INTU: variants seen among roughly 807,000 people sequenced by gnomAD.
INTU encodes inturned planar cell polarity protein.
In INTU, 68 loss-of-function variants were observed where a neutral mutation model predicts 100.5. The ratio of observed to expected loss-of-function variants is 0.68; its 90% CI spans 0.56 to 0.83. INTU has a LOEUF of 0.83. Ranked by LOEUF, INTU falls within the 40% of genes least tolerant of loss-of-function variation. INTU has a pLI of 0.00. For missense variants in INTU, 1,071 were observed against 1,114.7 expected (o/e 0.96, Z 0.56); for synonymous variants, 357 against 395.7 (o/e 0.90, Z 1.16).
At chr4:127,682,325 T>C (rs1459174452) in intron 6 of INTU, among the ~76,000 whole-genome samples, 1 of 151,974 alleles carries the variant, frequency 6.6e-6, no homozygotes, top group Non-Finnish European at 1.5e-5. Flanking sequence ...TGCAGCACTA[T>C]TCACAATAGC....
intron 14 of INTU, among the ~76,000 whole-genome samples, chr4:127,712,040 C>T (rs780620865): frequency 2.0e-5 from 3 of 152,052 alleles, no homozygotes; most frequent in African/African-American, 4.8e-5. Flanking sequence ...TTACTTGTGA[C>T]GTTATACAGC....
chr4:127,704,242 T>C lies in INTU; in HGVS notation c.1518T>C (p.Tyr506=), dbSNP rs754683377. 113 of 1,609,474 alleles carry C rather than the reference T, an allele frequency of 7.0e-5. No individual in the cohort carries two copies. The highest frequency in any genetic ancestry group is 9.5e-5 in the Non-Finnish European group (112 of 1,177,736). ...TTTTCCCCCAGTCCGAGGATTACTA[T>C]GACATGAGGCGGCTGTATACAATTT... ...ADFAELSEDY[Y]DMRRLYTILG... The change falls in exon 10 of 16, where the codon TAT becomes TAC. Residue 506 remains tyrosine (Y), a synonymous_variant. Coordinates refer to ENST00000335251, the MANE Select transcript of INTU (RefSeq NM_015693.4).
intron 6 of INTU, among the ~76,000 whole-genome samples, chr4:127,677,913 G>C (rs1729307542): frequency 1.3e-5 from 2 of 152,370 alleles, no homozygotes; most frequent in African/African-American, 4.8e-5. Flanking sequence ...TAAAGGAGCT[G>C]CTGGAGTGGA....
At chr4:127,682,607 A>C in intron 6 of INTU, among the ~76,000 whole-genome samples, 1 of 62,424 alleles carries the variant, frequency 1.6e-5, no homozygotes. Flanking sequence ...GGGTGGGGGG[A>C]GGGGGGAGGG....
intron 9 of INTU, among the ~76,000 whole-genome samples, chr4:127,702,061 G>A (rs1334552682): frequency 1.3e-5 from 2 of 151,906 alleles, no homozygotes; most frequent in African/African-American, 4.8e-5. Context: ...TCTGGTTTTT[G>A]GAACTTACAT....
intron 4 of INTU, among the ~76,000 whole-genome samples, chr4:127,666,489 A>C (rs1728703677): frequency 6.6e-6 from 1 of 152,156 alleles, no homozygotes; most frequent in South Asian, 2.1e-4. Flanking sequence ...TATGGGCTTA[A>C]TACAGTGGTT....
chr4:127,671,858 G>A (rs539436805), intron 5 of INTU, among the ~76,000 whole-genome samples: 4 of 152,104 alleles, frequency 2.6e-5, no homozygotes, highest in South Asian at 2.1e-4. Context: ...TTGCAGCAAC[G>A]TAGATAGAAC....
chr4:127,671,960 A>G (rs948501958), intron 5 of INTU, among the ~76,000 whole-genome samples: 6 of 152,086 alleles, frequency 3.9e-5, no homozygotes, highest in African/African-American at 7.2e-5. Flanking sequence ...ATGTATACAC[A>G]TGGACATAGA....
chr4:127,683,740 A>G (rs903197410), intron 6 of INTU: 2 of 152,254 alleles, frequency 1.3e-5, no homozygotes, highest in African/African-American at 4.8e-5. Flanking sequence ...TAGTGGGAGA[A>G]TAACTTTGGG....
In INTU at chr4:127,719,274, T is replaced by G. The variant is rs1221896064; in HGVS notation, c.*2838T>G. The G allele has an allele frequency of 1.3e-5, 2 of 152,250 alleles. No homozygotes were observed. Among genetic ancestry groups the G allele is most frequent in the Admixed American group, 1.3e-4 (2 of 15,286 alleles). The allele number at this position is 152,250 out of a possible 1,614,324, so 9.4% of individuals were successfully genotyped here. On this transcript the variant is annotated 3_prime_UTR_variant, in exon 16 of 16. Coordinates refer to ENST00000335251, the MANE Select transcript of INTU (RefSeq NM_015693.4). ...TTTGTCTTTAGTTCTGTTTGTGTGA[T>G]GAATTAAGTTTATTGATTTGCATAT...
At chr4:127,674,033 T>A (rs1729057905) in intron 5 of INTU, 91 bp from the exon 6 acceptor site, 1 of 763,908 alleles carries the variant, frequency 1.3e-6, no homozygotes. Context: ...AGTTCTTAAA[T>A]CATACCATAT....
rs1312033969 is a variant in INTU at position 127,708,495 on chromosome 4, G to A, written c.2272-76G>A. The A allele has an allele frequency of 4.0e-6, 3 of 754,986 alleles. No individual in the cohort carries two copies. The African/African-American group carries it at 5.4e-5, about 14-fold the overall frequency. 46.8% of individuals were successfully genotyped at this position (754,986 alleles called of 1,614,324 possible). On this transcript the variant is annotated intron_variant, in intron 12 of 15. Transcript: ENST00000335251. ...TGGTAAGTAGTTCCCTCAGAAGGAT[G>A]TTTAATTTTTAAATTGTTTCTGCTA...
At chr4:127,638,863 G>T (rs1452633687) in intron 1 of INTU, among the ~76,000 whole-genome samples, 2 of 152,064 alleles carry the variant, frequency 1.3e-5, no homozygotes, top group Admixed American at 1.3e-4. Context: ...CAATAATTAT[G>T]CAGCTTGTAC....
chr4:127,720,182 T>C lies in INTU; in HGVS notation c.*3746T>C, dbSNP rs1408331783. 1 of 152,208 alleles carries C rather than the reference T, an allele frequency of 6.6e-6. No homozygotes were observed. Among genetic ancestry groups the C allele is most frequent in the Non-Finnish European group, 1.5e-5 (1 of 68,038 alleles). 9.4% of individuals were successfully genotyped at this position (152,208 alleles called of 1,614,324 possible). On this transcript the variant is annotated 3_prime_UTR_variant, in exon 16 of 16. Transcript: ENST00000335251. ...CCCAGAGATTCTGGTACATTGTCTCTTTGTTTTCATTGGTTTCAAAGAACT... is the reference window on the plus strand; with the variant it reads ...CCCAGAGATTCTGGTACATTGTCTCCTTGTTTTCATTGGTTTCAAAGAACT...
chr4:127,690,796 TC>T (rs1213944592), intron 8 of INTU, among the ~76,000 whole-genome samples: 1 of 151,970 alleles, frequency 6.6e-6, no homozygotes, highest in Non-Finnish European at 1.5e-5. Context: ...TTATCAACAT[TC>T]CCCACCACAG....
chr4:127,634,027 C>T (rs931261165), intron 1 of INTU, among the ~76,000 whole-genome samples: 3 of 152,094 alleles, frequency 2.0e-5, no homozygotes, highest in African/African-American at 7.2e-5. Flanking sequence ...TTTAGGATGA[C>T]ATTTTATGTG....
intron 7 of INTU, chr4:127,685,375 T>C: frequency 2.2e-6 from 1 of 445,824 alleles, no homozygotes; most frequent in Non-Finnish European, 4.5e-6. Context: ...TATACATTTT[T>C]CCAAACCATA....
chr4:127,709,179 A>C (rs753741711), intron 13 of INTU, among the ~76,000 whole-genome samples: 1 of 152,194 alleles, frequency 6.6e-6, no homozygotes, highest in African/African-American at 2.4e-5. Flanking sequence ...TGACTAATAA[A>C]TAAGTGAGTA....
At chr4:127,676,441 C>T (rs1205180181) in intron 6 of INTU, among the ~76,000 whole-genome samples, 1 of 151,974 alleles carries the variant, frequency 6.6e-6, no homozygotes, top group East Asian at 1.9e-4. Context: ...CAAAAATTAG[C>T]CAGGCACAGT....
Sources: allele counts gnomAD v4.1 joint callset (sites outside exome capture counted in the v4.1 genomes callset), GRCh38; gene constraint gnomAD v4.1.1; transcripts MANE v1.5; gene names NCBI Gene and HGNC (gene_info 2026-07-23, HGNC 2026-07-21).